Variants in STRN3 observed in about 807,000 individuals in gnomAD.
STRN3 encodes striatin 3.
Under a neutral mutation model 95.6 loss-of-function variants are expected in STRN3, and 29 were observed. The ratio of observed to expected loss-of-function variants is 0.30; its 90% confidence interval spans 0.23 to 0.41. STRN3 has a LOEUF of 0.41. STRN3 is among the 10% of genes least tolerant of loss of function. The probability of loss-of-function intolerance (pLI) is 1.00; values close to 1 mark genes in which losing one functional copy is unlikely to be tolerated. For synonymous variants in STRN3, 331 were observed against 357.6 expected, an observed-to-expected ratio of 0.93 and a Z score of 0.84; for missense variants, 890 against 972.1, an observed-to-expected ratio of 0.92 and a Z score of 1.12.
intron 13 of STRN3, among the ~76,000 whole-genome samples, chr14:30,907,464 TC>T (rs1896494841): frequency 6.6e-6 from 1 of 152,166 alleles, no homozygotes; most frequent in Non-Finnish European, 1.5e-5. Context: ...CAATTCCTCC[TC>T]CCCACCTTTC....
chr14:31,020,856 T>C (rs1883472479), intron 1 of STRN3, among the ~76,000 whole-genome samples: 1 of 151,694 alleles, frequency 6.6e-6, no homozygotes, highest in African/African-American at 2.4e-5. Context: ...CAGTAAGCCA[T>C]GTTGGCACCA....
chr14:30,982,918 T>C (rs1357893320), intron 1 of STRN3, among the ~76,000 whole-genome samples: 1 of 152,164 alleles, frequency 6.6e-6, no homozygotes, highest in Non-Finnish European at 1.5e-5. Flanking sequence ...TTTACCCATG[T>C]AATAATAAAC....
chr14:30,965,066 A>G (rs1880416874), intron 1 of STRN3, among the ~76,000 whole-genome samples: 1 of 152,212 alleles, frequency 6.6e-6, no homozygotes, highest in African/African-American at 2.4e-5. Flanking sequence ...AATTCAGACG[A>G]TAACACACTA....
intron 1 of STRN3, among the ~76,000 whole-genome samples, chr14:30,969,435 T>TC (rs1880714695): frequency 6.6e-6 from 1 of 150,390 alleles, no homozygotes; most frequent in African/African-American, 2.4e-5. Context: ...AGACTCTGTC[T>TC]CCAAAAAAAA....
At chr14:31,014,941 C>T (rs1883170831) in intron 1 of STRN3, among the ~76,000 whole-genome samples, 1 of 152,000 alleles carries the variant, frequency 6.6e-6, no homozygotes, top group South Asian at 2.1e-4. Flanking sequence ...GATTCTCCTG[C>T]CTCAGCCTCC....
At chr14:30,950,597 T>A (rs1395651549) in intron 4 of STRN3, among the ~76,000 whole-genome samples, 1 of 152,158 alleles carries the variant, frequency 6.6e-6, no homozygotes, top group African/African-American at 2.4e-5. Flanking sequence ...GAGGGCTCTA[T>A]CAAGTATGAA....
chr14:30,967,278 G>A lies in STRN3; in HGVS notation c.283-11036C>T, dbSNP rs536585847. On this transcript the variant is annotated intron_variant, in intron 1 of 17. Coordinates refer to ENST00000357479, the MANE Select transcript of STRN3 (RefSeq NM_001083893.2). Reference sequence around the variant, plus strand: ...GAGGCAGAGAGAGGGGGGAAGAGAGGCAGAGAGGGGGGAAAGAGAGGCGGT... The same window carrying A: ...GAGGCAGAGAGAGGGGGGAAGAGAGACAGAGAGGGGGGAAAGAGAGGCGGT... Among the ~76,000 whole-genome samples, 4 of 141,124 alleles carry A rather than the reference G, an allele frequency of 2.8e-5. No homozygotes were observed. The South Asian group carries it at 1.1e-3, about 37-fold the overall frequency. The allele number at this position is 141,124 out of a possible 152,430, so 92.6% of individuals were successfully genotyped here. A position where few individuals can be genotyped will look rare whatever the true frequency, so the allele number is the denominator to read the frequency against.
At chr14:30,930,983 A>G (rs1878507062) in intron 7 of STRN3, among the ~76,000 whole-genome samples, 1 of 152,178 alleles carries the variant, frequency 6.6e-6, no homozygotes. Context: ...GATAGAACAG[A>G]AAAATTTAAT....
Position 31,026,365 on chromosome 14 carries a change from A to G in STRN3, c.-180T>C. The G allele has an allele frequency of 3.1e-5, 10 of 325,970 alleles. No homozygotes were observed. Among genetic ancestry groups the G allele is most frequent in the Non-Finnish European group, 1.4e-5 (3 of 208,234 alleles). The allele number at this position is 325,970 out of a possible 1,614,324, so 20.2% of individuals were successfully genotyped here. ...GGAGCTGCCGGCTGCCGCCATTACA[A>G]TCCCTCCTCCATCTGCCCGTCTCAC... On this transcript the variant is annotated 5_prime_UTR_variant, in exon 1 of 18. Transcript: ENST00000357479.
intron 1 of STRN3, among the ~76,000 whole-genome samples, chr14:30,967,298 G>T (rs1880572662): frequency 6.6e-6 from 1 of 150,936 alleles, no homozygotes; most frequent in African/African-American, 2.4e-5. Context: ...GGGAAAGAGA[G>T]GCGGTGGTGG....
At chr14:30,997,233 T>A (rs1218468878) in intron 1 of STRN3, among the ~76,000 whole-genome samples, 1 of 152,102 alleles carries the variant, frequency 6.6e-6, no homozygotes, top group Non-Finnish European at 1.5e-5. Context: ...GCAGATTAAC[T>A]TAAAAATCTT....
intron 5 of STRN3, among the ~76,000 whole-genome samples, chr14:30,940,222 C>T (rs1303800985): frequency 6.6e-6 from 1 of 152,166 alleles, no homozygotes; most frequent in Non-Finnish European, 1.5e-5. Context: ...TCCAGGCCCA[C>T]TGCACAACTG....
chr14:30,969,163 C>T (rs1420885629), intron 1 of STRN3, among the ~76,000 whole-genome samples: 1 of 152,136 alleles, frequency 6.6e-6, no homozygotes, highest in Non-Finnish European at 1.5e-5. Context: ...AAGCTGGGCG[C>T]AGTGGCTCAC....
In STRN3 at chr14:30,911,994, C is replaced by G. The variant is rs367660503; in HGVS notation, c.1550+13G>C. The G allele has an allele frequency of 8.7e-6, 14 of 1,605,502 alleles. No individual in the cohort carries two copies. The African/African-American group carries it at 1.7e-4, about 20-fold the overall frequency. Reference sequence around the variant, plus strand: ...TTGGAAGAAATACACCAGGCTAACACTAAAATACTTGCTTTTTGGCAGGAA... The same window carrying G: ...TTGGAAGAAATACACCAGGCTAACAGTAAAATACTTGCTTTTTGGCAGGAA... On this transcript the variant is annotated intron_variant, in intron 11 of 17. Coordinates refer to ENST00000357479, the MANE Select transcript of STRN3 (RefSeq NM_001083893.2).
chr14:30,964,092 A>T (rs1222386904), intron 1 of STRN3, among the ~76,000 whole-genome samples: 1 of 152,146 alleles, frequency 6.6e-6, no homozygotes, highest in Non-Finnish European at 1.5e-5. Context: ...TCTCTCGTAA[A>T]AATACAAAAA....
chr14:30,977,809 A>C (rs1881185783), intron 1 of STRN3, among the ~76,000 whole-genome samples: 1 of 151,308 alleles, frequency 6.6e-6, no homozygotes, highest in Admixed American at 6.6e-5. Context: ...AAAAAAAAAA[A>C]AAAAAAAACA....
At chr14:30,896,110 T>C (rs149267088) in intron 16 of STRN3, among the ~76,000 whole-genome samples, 24 of 152,354 alleles carry the variant, frequency 1.6e-4, no homozygotes, top group African/African-American at 4.3e-4. Context: ...AGTGAACTCA[T>C]ACAATACGTG....
intron 1 of STRN3, among the ~76,000 whole-genome samples, chr14:30,987,304 G>A (rs922060689): frequency 1.5e-4 from 23 of 152,084 alleles, no homozygotes; most frequent in African/African-American, 4.8e-4. Context: ...TCAGGAGATC[G>A]AGACTATCCT....
At chr14:30,901,410 A>G (rs1317368182) in intron 16 of STRN3, among the ~76,000 whole-genome samples, 6 of 152,224 alleles carry the variant, frequency 3.9e-5, no homozygotes, top group Non-Finnish European at 8.8e-5. Flanking sequence ...CATGAAAGTA[A>G]TGTTTGAACA....
Sources: allele counts gnomAD v4.1 joint callset (sites outside exome capture counted in the v4.1 genomes callset), GRCh38; gene constraint gnomAD v4.1.1; transcripts MANE v1.5; gene names NCBI Gene and HGNC (gene_info 2026-07-23, HGNC 2026-07-21).